The following ADAMTS12 variants were observed in gnomAD, a reference collection of about 807,000 sequenced individuals.
ADAMTS12 encodes A disintegrin and metalloproteinase with thrombospondin motifs 12.
A neutral mutation model predicts 167.8 loss-of-function variants in ADAMTS12; 118 were observed. That is an observed-to-expected ratio of 0.70 (90% CI 0.61 to 0.82). The LOEUF is 0.82. ADAMTS12 is among the 40% of genes least tolerant of loss of function. The pLI is 0.00. For missense variants in ADAMTS12, 1,916 were observed against 1,998.8 expected, an observed-to-expected ratio of 0.96 and a Z score of 0.79; for synonymous variants, 704 against 716.9, an observed-to-expected ratio of 0.98 and a Z score of 0.29.
intron 3 of ADAMTS12, among the ~76,000 whole-genome samples, chr5:33,722,428 G>A (rs60266238): frequency 0.038 from 5,767 of 152,126 alleles, 360 homozygotes; most frequent in African/African-American, 0.13. Flanking sequence ...CACCCTATAA[G>A]GTAGACATTA....
At chr5:33,593,257 ATG>A (rs1467190796) in intron 17 of ADAMTS12, among the ~76,000 whole-genome samples, 1 of 152,200 alleles carries the variant, frequency 6.6e-6, no homozygotes, top group Non-Finnish European at 1.5e-5. Flanking sequence ...TTGTGTTTTA[ATG>A]TGAGAGAAAA....
At chr5:33,689,635 G>A (rs1742479471) in intron 3 of ADAMTS12, among the ~76,000 whole-genome samples, 1 of 152,088 alleles carries the variant, frequency 6.6e-6, no homozygotes, top group African/African-American at 2.4e-5. Flanking sequence ...CCAGTGTTGA[G>A]GGCTGGAGAG....
In ADAMTS12 at chr5:33,881,141, G is replaced by A. The variant is rs767288812; in HGVS notation, c.467C>T (p.Ala156Val). Reference protein sequence around the residue: ...LQQGTRVGTAALSACHGLTGF... With the variant: ...LQQGTRVGTAVLSACHGLTGF... ...CACCAGTCCATGGCAGGCACTGAGG[G>A]CTGCCGTCCCAACTCTGGTGCCCTG... Residue 156 changes from alanine (A) to valine (V), a missense_variant, in exon 2 of 24, where the codon GCC (alanine) becomes GTC (valine). Coordinates refer to ENST00000504830, the MANE Select transcript of ADAMTS12 (RefSeq NM_030955.4). 4.5e-5 allele frequency: 73 copies of A among 1,613,748 alleles called. No homozygotes were observed. In the East Asian group the frequency reaches 1.6e-3, roughly 36 times the overall value.
At chr5:33,561,750 C>T (rs1745759256) in intron 19 of ADAMTS12, among the ~76,000 whole-genome samples, 1 of 152,170 alleles carries the variant, frequency 6.6e-6, no homozygotes, top group South Asian at 2.1e-4. Context: ...CACTGCACTC[C>T]AGCCTAGGTG....
chr5:33,794,105 T>G (rs927881471), intron 2 of ADAMTS12, among the ~76,000 whole-genome samples: 1 of 152,160 alleles, frequency 6.6e-6, no homozygotes, highest in African/African-American at 2.4e-5. Flanking sequence ...TTCCTGTTGC[T>G]TCCTCTACCT....
chr5:33,577,585 T>C (rs1038215294), intron 18 of ADAMTS12, among the ~76,000 whole-genome samples: 3 of 152,196 alleles, frequency 2.0e-5, no homozygotes, highest in Admixed American at 6.5e-5. Context: ...TGAAATTCGG[T>C]ATAAGGAACC....
intron 2 of ADAMTS12, among the ~76,000 whole-genome samples, chr5:33,774,887 T>C (rs1310222957): frequency 6.6e-6 from 1 of 152,226 alleles, no homozygotes; most frequent in East Asian, 1.9e-4. Context: ...ACTATATTTA[T>C]GTTTATATAA....
chr5:33,857,928 T>C (rs1460462057), intron 2 of ADAMTS12, among the ~76,000 whole-genome samples: 2 of 152,208 alleles, frequency 1.3e-5, no homozygotes, highest in Non-Finnish European at 2.9e-5. Flanking sequence ...ACTTCAATAC[T>C]TCTATCTCTC....
intron 2 of ADAMTS12, among the ~76,000 whole-genome samples, chr5:33,794,869 A>G (rs1275446836): frequency 6.6e-6 from 1 of 152,328 alleles, no homozygotes; most frequent in Non-Finnish European, 1.5e-5. Context: ...CTGAGCTGTC[A>G]TCAGTGAAAA....
At chr5:33,632,130 G>A (rs989173154) in intron 12 of ADAMTS12, among the ~76,000 whole-genome samples, 1 of 152,170 alleles carries the variant, frequency 6.6e-6, no homozygotes, top group Non-Finnish European at 1.5e-5. Flanking sequence ...AAAGAGATAA[G>A]TGAACTAGTT....
intron 12 of ADAMTS12, among the ~76,000 whole-genome samples, chr5:33,631,335 G>C (rs1167467985): frequency 6.6e-6 from 1 of 152,102 alleles, no homozygotes; most frequent in Non-Finnish European, 1.5e-5. Context: ...AAAGTAAGTA[G>C]ACCTCCAGGG....
intron 12 of ADAMTS12, among the ~76,000 whole-genome samples, chr5:33,631,327 A>C (rs370578133): frequency 5.9e-5 from 9 of 152,264 alleles, no homozygotes; most frequent in African/African-American, 1.9e-4. Context: ...CTTGCAGCAA[A>C]GTAAGTAGAC....
At chr5:33,549,999 G>A (rs566750090) in intron 20 of ADAMTS12, among the ~76,000 whole-genome samples, 15 of 152,302 alleles carry the variant, frequency 9.8e-5, no homozygotes, top group South Asian at 6.2e-4. Flanking sequence ...TGCCTCCACC[G>A]TCACCATTCC....
At chr5:33,663,136 A>C (rs1208489055) in intron 5 of ADAMTS12, among the ~76,000 whole-genome samples, 1 of 152,272 alleles carries the variant, frequency 6.6e-6, no homozygotes, top group Non-Finnish European at 1.5e-5. Context: ...AAACACCGAA[A>C]GGTGGCTCAT....
chr5:33,858,714 C>G (rs942815838), intron 2 of ADAMTS12, among the ~76,000 whole-genome samples: 2 of 151,584 alleles, frequency 1.3e-5, no homozygotes, highest in Non-Finnish European at 2.9e-5. Context: ...AACTTGAGAC[C>G]TGGTTAAGAT....
chr5:33,700,396 A>G (rs570162261), intron 3 of ADAMTS12, among the ~76,000 whole-genome samples: 1 of 152,230 alleles, frequency 6.6e-6, no homozygotes, highest in Non-Finnish European at 1.5e-5. Context: ...ACTCACCAGG[A>G]AATAATTATG....
intron 2 of ADAMTS12, among the ~76,000 whole-genome samples, chr5:33,757,843 T>G (rs1437820238): frequency 6.6e-6 from 1 of 152,176 alleles, no homozygotes; most frequent in Non-Finnish European, 1.5e-5. Context: ...ACGTAAAATG[T>G]CTAGCAGAGG....
At chr5:33,775,760 A>G (rs1468324386) in intron 2 of ADAMTS12, among the ~76,000 whole-genome samples, 1 of 152,182 alleles carries the variant, frequency 6.6e-6, no homozygotes, top group African/African-American at 2.4e-5. Context: ...GAGACCCTCC[A>G]CGTGGGGTGC....
intron 3 of ADAMTS12, among the ~76,000 whole-genome samples, chr5:33,740,625 G>A (rs1172123783): frequency 6.6e-6 from 1 of 152,200 alleles, no homozygotes; most frequent in Admixed American, 6.5e-5. Context: ...AGACACTGCG[G>A]GCACGCACCC....
Sources: allele counts gnomAD v4.1 joint callset (sites outside exome capture counted in the v4.1 genomes callset), GRCh38; gene constraint gnomAD v4.1.1; transcripts MANE v1.5; gene names NCBI Gene and HGNC (gene_info 2026-07-23, HGNC 2026-07-21).